The following YLPM1 variants were observed in gnomAD, a reference collection of about 807,000 sequenced individuals.
The protein encoded by YLPM1 is YLP motif-containing protein 1.
A neutral mutation model predicts 230.0 loss-of-function variants in YLPM1; 99 were observed. The ratio of observed to expected loss-of-function variants is 0.43; its 90% CI spans 0.37 to 0.51. The LOEUF (loss-of-function observed/expected upper bound fraction) is 0.51, where lower values mean the gene tolerates loss of function less well. YLPM1 is among the 20% of genes least tolerant of loss of function. The pLI, the probability that YLPM1 is intolerant of heterozygous loss-of-function variation, is 0.00. For missense variants in YLPM1, 2,592 were observed against 2,707.7 expected (o/e 0.96, Z 0.95); for synonymous variants, 984 against 942.5 (o/e 1.04, Z -0.81).
At chr14:74,779,277 AG>A (rs2091070645) in intron 2 of YLPM1, among the ~76,000 whole-genome samples, 1 of 152,202 alleles carries the variant, frequency 6.6e-6, no homozygotes, top group South Asian at 2.1e-4. Flanking sequence ...GCAATAGTTG[AG>A]TGCTTGAGCT....
At chr14:74,773,385 A>AGACAAAGCAT (rs1374193100) in intron 1 of YLPM1, among the ~76,000 whole-genome samples, 2 of 152,216 alleles carry the variant, frequency 1.3e-5, no homozygotes, top group Non-Finnish European at 2.9e-5. Context: ...TCTGGATCTA[A>AGACAAAGCAT]GACAAAGCAT....
rs1252235241 is a variant in YLPM1 at position 74,797,838 on chromosome 14, G to A, written c.2541G>A (p.Gln847=). Residue 847 remains glutamine (Q), a synonymous_variant, in exon 5 of 21, where the codon CAG becomes CAA. Transcript: ENST00000325680. ...WKGPKPAFGQ[Q]HQQQPKSQAE... The stretch of plus-strand genomic sequence containing the variant: ...GCCCCAAACCAGCTTTTGGACAGCA[G>A]CATCAGCAGCAACCTAAGTCACAAG... The A allele has an allele frequency of 1.2e-6, 2 of 1,613,960 alleles. No homozygotes were observed. The highest frequency in any genetic ancestry group is 2.2e-5 in the South Asian group (2 of 91,084).
chr14:74,798,280 A>G lies in YLPM1; in HGVS notation c.2983A>G (p.Asn995Asp), dbSNP rs1450411237. 1 of 1,613,878 alleles carries G rather than the reference A, an allele frequency of 6.2e-7. No individual in the cohort carries two copies. The highest frequency in any genetic ancestry group is 1.7e-5 in the Admixed American group (1 of 59,998). ...TATTGGTCTACCCCATTCAGAAAAC[A>G]ACCAAGATAAAGGCCTGCCTCGGCC... is the stretch of plus-strand genomic sequence containing the variant. Reference protein sequence around the residue: ...VGIGLPHSENNQDKGLPRPDN... With the variant: ...VGIGLPHSENDQDKGLPRPDN... Residue 995 changes from asparagine to aspartate, a missense_variant, in exon 5 of 21, where the codon AAC becomes GAC. Asn to Asp is a conservative substitution (Grantham distance 23). Coordinates refer to ENST00000325680, the MANE Select transcript of YLPM1 (RefSeq NM_019589.3).
At position 74,799,058 on chromosome 14, in the gene YLPM1, G is replaced by A. The variant is rs780229074; in HGVS notation, c.3761G>A (p.Arg1254Gln). The A allele has an allele frequency of 1.9e-6, 3 of 1,613,946 alleles. No individual in the cohort carries two copies. The highest frequency in any genetic ancestry group is 1.7e-5 in the Admixed American group (1 of 60,014). Residue 1254 changes from arginine to glutamine, a missense_variant, in exon 5 of 21, where the codon CGG becomes CAG. This residue lies in a region of YLPM1 where 1,862 missense variants were observed against 1,819.8 expected (regional missense o/e 1.02). Transcript: ENST00000325680. ...REDRFSAPPS[R>Q]SHDGDRRGPW... ...GACAGGTTCTCAGCACCACCATCTC[G>A]GTCTCATGATGGAGATAGGCGAGGC...
At chr14:74,777,244 T>G (rs1208335455) in intron 1 of YLPM1, among the ~76,000 whole-genome samples, 1 of 152,088 alleles carries the variant, frequency 6.6e-6, no homozygotes, top group African/African-American at 2.4e-5. Flanking sequence ...AAGCTAAGGC[T>G]TTTAAAATAA....
intron 1 of YLPM1, among the ~76,000 whole-genome samples, chr14:74,767,594 C>T (rs1307562216): frequency 6.6e-6 from 1 of 152,178 alleles, no homozygotes; most frequent in African/African-American, 2.4e-5. Flanking sequence ...GCCCCCAGTC[C>T]GACAACCAAA....
Position 74,782,311 on chromosome 14 carries a change from T to C in YLPM1, c.2268T>C (p.Ser756=), listed in dbSNP as rs774793348. The C allele has an allele frequency of 6.6e-7, 1 of 1,520,912 alleles. No individual in the cohort carries two copies. Among genetic ancestry groups the C allele is most frequent in the South Asian group, 1.3e-5 (1 of 77,022 alleles). 94.2% of individuals were successfully genotyped at this position (1,520,912 alleles called of 1,614,324 possible). ...CTCCTAGAAGTAGTTACTTGGAAAGTCCAAGAGGCCCAAGGTAGGTCTGCT... is the reference window on the plus strand; with the variant it reads ...CTCCTAGAAGTAGTTACTTGGAAAGCCCAAGAGGCCCAAGGTAGGTCTGCT... ...PDPPRSSYLE[S]PRGPRFDGPR... The change falls in exon 4 of 21, where the codon AGT becomes AGC. Residue 756 remains serine (S), a synonymous_variant. Transcript: ENST00000325680.
At chr14:74,800,269 C>T (rs1414589980) in intron 5 of YLPM1, among the ~76,000 whole-genome samples, 1 of 152,182 alleles carries the variant, frequency 6.6e-6, no homozygotes, top group Non-Finnish European at 1.5e-5. Context: ...TTCTACATAA[C>T]CAAATGTTTT....
chr14:74,811,416 A>C (rs979134449), intron 9 of YLPM1, among the ~76,000 whole-genome samples: 11 of 152,044 alleles, frequency 7.2e-5, no homozygotes, highest in Non-Finnish European at 1.0e-4. Flanking sequence ...ACTGGAGATC[A>C]AGGCTGCAGT....
chr14:74,783,495 C>T (rs959184838), intron 4 of YLPM1, among the ~76,000 whole-genome samples: 2 of 152,240 alleles, frequency 1.3e-5, no homozygotes. Context: ...AAGTGAAAGT[C>T]ACCTAATTCC....
intron 18 of YLPM1, among the ~76,000 whole-genome samples, chr14:74,825,185 A>C: frequency 6.6e-6 from 1 of 152,096 alleles, no homozygotes; most frequent in East Asian, 1.9e-4. Flanking sequence ...TTGATACAGG[A>C]AGTTTGAGTC....
intron 19 of YLPM1, among the ~76,000 whole-genome samples, chr14:74,830,550 C>A (rs2091601084): frequency 6.6e-6 from 1 of 152,080 alleles, no homozygotes; most frequent in Admixed American, 6.5e-5. Flanking sequence ...TTTAACTAGT[C>A]CCTTTGTGTT....
intron 4 of YLPM1, among the ~76,000 whole-genome samples, chr14:74,792,487 C>T (rs949142093): frequency 6.6e-6 from 1 of 152,110 alleles, no homozygotes; most frequent in Non-Finnish European, 1.5e-5. Context: ...TAAAGAGATA[C>T]AGTTTACATT....
chr14:74,804,891 T>A (rs774891256), intron 6 of YLPM1, among the ~76,000 whole-genome samples: 1 of 152,222 alleles, frequency 6.6e-6, no homozygotes, highest in Non-Finnish European at 1.5e-5. Flanking sequence ...ATTTTTTGAT[T>A]TACAATAATT....
intron 17 of YLPM1, 94 bp from the exon 18 acceptor site, chr14:74,824,162 C>A: frequency 8.3e-7 from 1 of 1,211,328 alleles, no homozygotes; most frequent in African/African-American, 1.5e-5. Context: ...GAAACTGAAT[C>A]CATTCCCAGT....
At chr14:74,822,581 C>T (rs973314023) in intron 17 of YLPM1, among the ~76,000 whole-genome samples, 2 of 152,054 alleles carry the variant, frequency 1.3e-5, no homozygotes, top group East Asian at 3.8e-4. Flanking sequence ...AGGATGATTC[C>T]AGCAGGGGGA....
chr14:74,783,045 A>C (rs1187443213), intron 4 of YLPM1, among the ~76,000 whole-genome samples: 1 of 152,174 alleles, frequency 6.6e-6, no homozygotes, highest in Non-Finnish European at 1.5e-5. Flanking sequence ...AAGTTGACCT[A>C]AATGATAACT....
chr14:74,819,871 C>T (rs904843637), intron 16 of YLPM1, among the ~76,000 whole-genome samples: 1 of 152,164 alleles, frequency 6.6e-6, no homozygotes, highest in Non-Finnish European at 1.5e-5. Context: ...CTGCTTCTCA[C>T]TCTTTAAAAG....
chr14:74,780,625 A>G (rs2091083475), intron 3 of YLPM1, 41 bp downstream of exon 3: 14 of 1,524,548 alleles, frequency 9.2e-6, no homozygotes, highest in Non-Finnish European at 1.2e-5. Flanking sequence ...TTGCCCCAAG[A>G]CATTGAAAGG....
Sources: gnomAD v4.1 joint callset for allele counts (sites outside exome capture counted in the v4.1 genomes callset) on GRCh38, gnomAD v4.1.1 for gene constraint, gnomAD v4.1.1 regional missense constraint, MANE v1.5 for transcripts, NCBI Gene and HGNC (gene_info 2026-07-23, HGNC 2026-07-21) for gene names.